The following DTX1 variants were observed in gnomAD, a reference collection of about 807,000 sequenced individuals.
The protein encoded by DTX1 is deltex E3 ubiquitin ligase 1.
In DTX1, 26 loss-of-function variants were observed where a neutral mutation model predicts 57.8. That is an observed-to-expected ratio of 0.45 (90% confidence interval 0.33 to 0.62). The LOEUF (loss-of-function observed/expected upper bound fraction) is 0.62, where lower values mean the gene tolerates loss of function less well. Among genes scored for constraint, DTX1 ranks in the 20% least tolerant of loss-of-function variants. The pLI is 0.02. For missense variants in DTX1, 704 were observed against 895.3 expected (o/e 0.79, Z 2.73); for synonymous variants, 398 against 394.1 (o/e 1.01, Z -0.12).
chr12:113,087,473 G>C (rs1050329539), intron 3 of DTX1, among the ~76,000 whole-genome samples: 3 of 152,086 alleles, frequency 2.0e-5, no homozygotes, highest in Non-Finnish European at 4.4e-5. Flanking sequence ...CTTGGCCCCA[G>C]GCTGTGTTCC....
At chr12:113,089,694 T>C (rs1367718601) in intron 3 of DTX1, among the ~76,000 whole-genome samples, 1 of 152,200 alleles carries the variant, frequency 6.6e-6, no homozygotes, top group Non-Finnish European at 1.5e-5. Flanking sequence ...GGAGACTACC[T>C]CGGGACTGTC....
At chr12:113,090,146 A>G (rs977731925) in intron 3 of DTX1, 4 of 152,200 alleles carry the variant, frequency 2.6e-5, no homozygotes, top group African/African-American at 7.2e-5. Context: ...AAAAAGAGAT[A>G]CTTTCTTCTT....
chr12:113,067,019 T>C (rs555587079), intron 2 of DTX1, among the ~76,000 whole-genome samples: 1 of 152,136 alleles, frequency 6.6e-6, no homozygotes, highest in South Asian at 2.1e-4. Context: ...CTGCTACTGC[T>C]GCCTGCACAG....
At chr12:113,069,317 G>GC (rs991996175) in intron 2 of DTX1, among the ~76,000 whole-genome samples, 26 of 151,988 alleles carry the variant, frequency 1.7e-4, no homozygotes, top group Non-Finnish European at 3.4e-4. Flanking sequence ...TGACCAGAAA[G>GC]CCCCCCATAC....
At chr12:113,064,026 T>C (rs1453197144) in intron 2 of DTX1, among the ~76,000 whole-genome samples, 5 of 152,076 alleles carry the variant, frequency 3.3e-5, no homozygotes, top group African/African-American at 1.2e-4. Context: ...GAGAACCCCT[T>C]CCCCCTTCCC....
rs762008401 is a variant in DTX1, at chr12:113,058,460, A to G, written c.259+9A>G. On this transcript the variant is annotated intron_variant, in intron 2 of 9. Transcript: ENST00000548759. ...GTTTCGCCAGGACACAGGTGAGCAG[A>G]CACCCACCCCATGCCACCCGCCCCG... 1 of 1,586,330 alleles carries G rather than the reference A, an allele frequency of 6.3e-7. No individual in the cohort carries two copies. Among genetic ancestry groups the G allele is most frequent in the Non-Finnish European group, 8.5e-7 (1 of 1,170,440 alleles).
Position 113,058,067 on chromosome 12 carries a change from T to G in DTX1, c.-126T>G. 2 of 1,406,290 alleles carry G rather than the reference T, an allele frequency of 1.4e-6. No individual in the cohort carries two copies. The highest frequency in any genetic ancestry group is 2.5e-5 in the East Asian group (1 of 39,658). The allele number at this position is 1,406,290 out of a possible 1,614,324, so 87.1% of individuals were successfully genotyped here. Reference sequence around the variant, plus strand: ...TCTAGGCCTCAGAGAGAACCCAGAGTTAGAAAGGAGGCCAGACGGTCCTTG... The same window carrying G: ...TCTAGGCCTCAGAGAGAACCCAGAGGTAGAAAGGAGGCCAGACGGTCCTTG... On this transcript the variant is annotated 5_prime_UTR_variant, in exon 2 of 10. Transcript: ENST00000548759.
intron 3 of DTX1, among the ~76,000 whole-genome samples, chr12:113,092,089 A>G (rs904179191): frequency 2.0e-5 from 3 of 152,218 alleles, no homozygotes; most frequent in African/African-American, 7.2e-5. Flanking sequence ...CTGAGGATCA[A>G]GAAGTTAAGT....
Position 113,058,398 on chromosome 12 carries a change from T to C in DTX1, c.206T>C (p.Leu69Pro), listed in dbSNP as rs1445157568. ...SVVLGQVDAQLVPYIIDLQSM... is the reference protein window; with the variant it reads ...SVVLGQVDAQPVPYIIDLQSM... ...GTCCTGGGGCAGGTGGACGCCCAGC[T>C]TGTGCCCTACATCATCGACCTGCAG... Residue 69 changes from leucine (L) to proline (P), a missense_variant, in exon 2 of 10, where the codon CTT becomes CCT. Coordinates refer to ENST00000548759, the MANE Select transcript of DTX1 (RefSeq NM_004416.3). 1.9e-6 allele frequency: 3 copies of C among 1,608,554 alleles called. No homozygotes were observed. Among genetic ancestry groups the C allele is most frequent in the Admixed American group, 1.7e-5 (1 of 60,004 alleles).
chr12:113,077,573 C>T lies in DTX1; in HGVS notation c.409C>T (p.His137Tyr). The change falls in exon 3 of 10, where the codon CAC becomes TAC. Residue 137 changes from histidine to tyrosine, a missense_variant. Transcript: ENST00000548759. The surrounding 1 kb of genome is among the most constrained non-coding windows in gnomAD (Gnocchi z 7.8). Reference sequence around the variant, plus strand: ...CATCCAGAACGCCTACGAGAAGCAGCACCCGTGGCTCGACCTCTCATCGCT... The same window carrying T: ...CATCCAGAACGCCTACGAGAAGCAGTACCCGTGGCTCGACCTCTCATCGCT... ...ITIQNAYEKQ[H>Y]PWLDLSSLGF... 1 of 1,613,838 alleles carries T rather than the reference C, an allele frequency of 6.2e-7. No individual in the cohort carries two copies.
intron 9 of DTX1, among the ~76,000 whole-genome samples, chr12:113,096,044 A>G (rs531918448): frequency 1.3e-5 from 2 of 152,090 alleles, no homozygotes; most frequent in South Asian, 2.1e-4. Flanking sequence ...CGTCTCTACT[A>G]AAAATACAAA....
intron 2 of DTX1, among the ~76,000 whole-genome samples, chr12:113,073,896 A>G (rs1364072885): frequency 6.6e-6 from 1 of 152,256 alleles, no homozygotes; most frequent in Admixed American, 6.5e-5. Flanking sequence ...CTGACAGCCT[A>G]GAGTGAGGAT....
chr12:113,089,556 G>A (rs1373452502), intron 3 of DTX1, among the ~76,000 whole-genome samples: 2 of 152,128 alleles, frequency 1.3e-5, no homozygotes, highest in Non-Finnish European at 2.9e-5. Context: ...GCAGGAGGAT[G>A]TTCTCACTGA....
chr12:113,080,019 C>T (rs984252820), intron 3 of DTX1, among the ~76,000 whole-genome samples: 1 of 152,082 alleles, frequency 6.6e-6, no homozygotes, highest in Non-Finnish European at 1.5e-5. Context: ...CAGCCATGGC[C>T]GTTAGGACTA....
At chr12:113,064,608 C>A (rs920917284) in intron 2 of DTX1, among the ~76,000 whole-genome samples, 25 of 152,322 alleles carry the variant, frequency 1.6e-4, no homozygotes, top group African/African-American at 6.0e-4. Flanking sequence ...AGCTTGGCCC[C>A]TTGCTGGCTG....
In DTX1 at chr12:113,094,483, CAGG is replaced by C. The variant is rs1456806605; in HGVS notation, c.1228-301_1228-299del. On this transcript the variant is annotated intron_variant, in intron 6 of 9. Coordinates refer to ENST00000548759, the MANE Select transcript of DTX1 (RefSeq NM_004416.3). ...GTTCCAGCTACGTAGGAGGCTGAGGCAGGAGGATCTCTTGAGCCCAGGAGTTTG... is the reference window on the plus strand; with the variant it reads ...GTTCCAGCTACGTAGGAGGCTGAGGCAGGATCTCTTGAGCCCAGGAGTTTG... 3.2e-4 allele frequency among the ~76,000 whole-genome samples: 49 copies of C among 152,254 alleles called. No homozygotes were observed. The East Asian group carries it at 8.5e-3, about 26-fold the overall frequency.
At chr12:113,079,640 G>C (rs1473580583) in intron 3 of DTX1, among the ~76,000 whole-genome samples, 1 of 143,632 alleles carries the variant, frequency 7.0e-6, no homozygotes, top group East Asian at 2.1e-4. Flanking sequence ...TGATTCTTCT[G>C]CCTCAGTCTT....
chr12:113,093,471 A>G lies in DTX1; in HGVS notation c.1004-68A>G, dbSNP rs1187208882. ...CCCACCCGAGGGCCCCGGGATTCCC[A>G]GGGCCAGTGGTCGGGGGTTTGGGCG... On this transcript the variant is annotated intron_variant, in intron 4 of 9. Transcript: ENST00000548759. This position sits in a 1 kb window ranked among gnomAD's most constrained non-coding sequence, Gnocchi z 4.2. 4 of 1,076,754 alleles carry G rather than the reference A, an allele frequency of 3.7e-6. No homozygotes were observed. Among genetic ancestry groups the G allele is most frequent in the Admixed American group, 3.4e-5 (1 of 29,086 alleles). The allele number at this position is 1,076,754 out of a possible 1,614,324, so 66.7% of individuals were successfully genotyped here.
chr12:113,077,894 G>T lies in DTX1; in HGVS notation c.730G>T (p.Ala244Ser). 7.9e-7 allele frequency: 1 copy of T among 1,260,432 alleles called. No homozygotes were observed. Among genetic ancestry groups the T allele is most frequent in the Non-Finnish European group, 9.9e-7 (1 of 1,010,174 alleles). 78.1% of individuals were successfully genotyped at this position (1,260,432 alleles called of 1,614,324 possible). Residue 244 changes from alanine to serine, a missense_variant, in exon 3 of 10, where the codon GCG (alanine) becomes TCG (serine). Physicochemically the swap from Ala to Ser is moderately conservative, Grantham distance 99. Around this residue, in one of 3 missense-constraint regions of DTX1, gnomAD observed 299 missense variants for 311.2 expected, o/e 0.96. Coordinates refer to ENST00000548759, the MANE Select transcript of DTX1 (RefSeq NM_004416.3). This position sits in a 1 kb window ranked among gnomAD's most constrained non-coding sequence, Gnocchi z 7.8. ...GCCGCCACCTGGAGGGCCTCCAGGC[G>T]CGCTTGCCGTGCGCCCCAGCGCCAC... ...PPPPPGGPPG[A>S]LAVRPSATFT... is the part of the protein sequence containing the mutation.
Sources: gnomAD v4.1 joint callset for allele counts (sites outside exome capture counted in the v4.1 genomes callset) on GRCh38, gnomAD v4.1.1 for gene constraint, gnomAD v4.1.1 regional missense constraint, Gnocchi (gnomAD v3.1) non-coding constraint, MANE v1.5 for transcripts, NCBI Gene and HGNC (gene_info 2026-07-23, HGNC 2026-07-21) for gene names.